Variants in MPZL3 observed in about 807,000 individuals in gnomAD.
MPZL3 encodes myelin protein zero like 3.
Under a neutral mutation model 24.8 loss-of-function variants are expected in MPZL3, and 23 were observed. The observed-to-expected ratio is 0.93, with a 90% confidence interval of 0.67 to 1.31. MPZL3 has a LOEUF of 1.31. Ranked by LOEUF, MPZL3 falls within the 40% of genes most tolerant of loss-of-function variation. The pLI, the probability that MPZL3 is intolerant of heterozygous loss-of-function variation, is 0.00. For missense variants in MPZL3, 277 were observed against 294.9 expected (o/e 0.94, Z 0.44); for synonymous variants, 99 against 106.5 (o/e 0.93, Z 0.44).
At chr11:118,241,914 G>A (rs936150455) in intron 1 of MPZL3, among the ~76,000 whole-genome samples, 1 of 152,130 alleles carries the variant, frequency 6.6e-6, no homozygotes, top group Non-Finnish European at 1.5e-5. Flanking sequence ...AACCTGTCCT[G>A]CCTTCTGTGC....
chr11:118,235,055 CA>C (rs1487113505), intron 4 of MPZL3, among the ~76,000 whole-genome samples: 1 of 152,132 alleles, frequency 6.6e-6, no homozygotes, highest in Non-Finnish European at 1.5e-5. Context: ...ATTGCTCAGG[CA>C]TTTTCTGTCA....
intron 5 of MPZL3, among the ~76,000 whole-genome samples, chr11:118,232,254 G>A (rs1321488334): frequency 1.3e-5 from 2 of 152,078 alleles, no homozygotes; most frequent in African/African-American, 4.8e-5. Context: ...CTTCTCTTAG[G>A]TGTTTGCTTG....
intron 1 of MPZL3, among the ~76,000 whole-genome samples, chr11:118,246,608 A>T (rs1441945021): frequency 8.2e-6 from 1 of 121,682 alleles, no homozygotes. Flanking sequence ...TTTTTGAGAC[A>T]GGGCATCACT....
chr11:118,247,858 G>A (rs901100173), intron 1 of MPZL3, among the ~76,000 whole-genome samples: 11 of 151,918 alleles, frequency 7.2e-5, no homozygotes, highest in Non-Finnish European at 1.0e-4. Context: ...TTCATCTCCA[G>A]GAAATCTTTC....
At chr11:118,230,955 C>G (rs1949343088) in intron 5 of MPZL3, among the ~76,000 whole-genome samples, 1 of 152,194 alleles carries the variant, frequency 6.6e-6, no homozygotes, top group Admixed American at 6.5e-5. Flanking sequence ...CATCTGCATA[C>G]AAATGTGTTC....
Position 118,240,234 on chromosome 11 carries a change from G to T in MPZL3, c.217C>A (p.Pro73Thr), listed in dbSNP as rs1388031129. Residue 73 changes from proline to threonine, a missense_variant, in exon 2 of 6, where the codon CCC becomes ACC. Physicochemically the swap from Pro to Thr is conservative, Grantham distance 38. Coordinates refer to ENST00000278949, the MANE Select transcript of MPZL3 (RefSeq NM_198275.3). ...ACTGATACTGTGTGGCTGCTGCTGGGAGGGCGATATGTCCAGTCTATAGTA... is the reference window on the plus strand; with the variant it reads ...ACTGATACTGTGTGGCTGCTGCTGGTAGGGCGATATGTCCAGTCTATAGTA... ...KLTIDWTYRP[P>T]SSSHTVSIFH... The T allele has an allele frequency of 1.3e-6, 2 of 1,569,242 alleles. No individual in the cohort carries two copies. Among genetic ancestry groups the T allele is most frequent in the South Asian group, 1.2e-5 (1 of 83,550 alleles).
At chr11:118,236,762 G>A (rs988654581) in intron 3 of MPZL3, among the ~76,000 whole-genome samples, 7 of 151,944 alleles carry the variant, frequency 4.6e-5, no homozygotes, top group Non-Finnish European at 7.4e-5. Context: ...TTTACTCAGG[G>A]GTTTTCCGTG....
chr11:118,246,585 C>CTTTTTTTTTTTTTTTT (rs71301655), intron 1 of MPZL3, among the ~76,000 whole-genome samples: 9 of 123,278 alleles, frequency 7.3e-5, no homozygotes, highest in Non-Finnish European at 1.1e-4. Flanking sequence ...TTTTTCTTTT[C>CTTTTTTTTTTTTTTTT]TTTTTTTTTT....
chr11:118,244,455 G>A (rs188936736), intron 1 of MPZL3, among the ~76,000 whole-genome samples: 6 of 152,272 alleles, frequency 3.9e-5, no homozygotes, highest in Admixed American at 3.9e-4. Context: ...AAGCTTCCCT[G>A]GAAGTTACTC....
At chr11:118,236,733 CAGA>C (rs1949430511) in intron 3 of MPZL3, among the ~76,000 whole-genome samples, 2 of 152,080 alleles carry the variant, frequency 1.3e-5, no homozygotes, top group African/African-American at 4.8e-5. Flanking sequence ...TTCTATTTCA[CAGA>C]GATAACAACC....
chr11:118,236,972 G>T, intron 3 of MPZL3, 78 bp downstream of exon 3: 1 of 1,310,254 alleles, frequency 7.6e-7, no homozygotes, highest in Non-Finnish European at 1.1e-6. Context: ...AGACAGCTTT[G>T]TTTATCATCG....
chr11:118,252,121 T>C (rs886695768), intron 1 of MPZL3, 101 bp downstream of exon 1: 2 of 1,167,376 alleles, frequency 1.7e-6, no homozygotes, highest in Non-Finnish European at 2.6e-6. Flanking sequence ...CCCAGAGCTA[T>C]GCGGGGGCTT....
At chr11:118,240,446 A>G (rs1949480245) in intron 1 of MPZL3, 69 bp from the exon 2 acceptor site, 1 of 1,480,000 alleles carries the variant, frequency 6.8e-7, no homozygotes, top group African/African-American at 1.5e-5. Context: ...TGAGTGAACA[A>G]TTATTTTTAG....
chr11:118,235,474 C>G lies in MPZL3; in HGVS notation c.567G>C (p.Lys189Asn), dbSNP rs759222922. 5.6e-6 allele frequency: 9 copies of G among 1,613,920 alleles called. No individual in the cohort carries two copies. Among genetic ancestry groups the G allele is most frequent in the Admixed American group, 5.0e-5 (3 of 59,982 alleles). Residue 189 changes from lysine (K) to asparagine (N), a missense_variant, in exon 4 of 6, where the codon AAG becomes AAC. Coordinates refer to ENST00000278949, the MANE Select transcript of MPZL3 (RefSeq NM_198275.3). Reference sequence around the variant, plus strand: ...TCTTATAGCCAGACCTGCTCCTCTTCTTCAGCCCAGCAGCCTTCCTCCCCA... The same window carrying G: ...TCTTATAGCCAGACCTGCTCCTCTTGTTCAGCCCAGCAGCCTTCCTCCCCA... ...VRMGRKAAGLKKRSRSGYKKS... is the reference protein window; with the variant it reads ...VRMGRKAAGLNKRSRSGYKKS...
At chr11:118,231,097 T>C (rs1949345127) in intron 5 of MPZL3, among the ~76,000 whole-genome samples, 1 of 152,220 alleles carries the variant, frequency 6.6e-6, no homozygotes, top group Admixed American at 6.5e-5. Context: ...TGCATCTTTC[T>C]GCAATCTTTC....
At chr11:118,235,007 C>T (rs777449059) in intron 4 of MPZL3, among the ~76,000 whole-genome samples, 1 of 152,108 alleles carries the variant, frequency 6.6e-6, no homozygotes, top group Non-Finnish European at 1.5e-5. Context: ...TTATTCAAAT[C>T]GCTTTTGCCC....
At chr11:118,239,707 C>T (rs969974718) in intron 2 of MPZL3, among the ~76,000 whole-genome samples, 2 of 152,158 alleles carry the variant, frequency 1.3e-5, no homozygotes, top group Non-Finnish European at 2.9e-5. Flanking sequence ...CCTTCAAAGG[C>T]AGCCATATAA....
chr11:118,240,706 T>C (rs1161009342), intron 1 of MPZL3, among the ~76,000 whole-genome samples: 1 of 145,526 alleles, frequency 6.9e-6, no homozygotes, highest in Non-Finnish European at 1.5e-5. Flanking sequence ...AAAGGCAACA[T>C]CACCCATCCC....
chr11:118,252,156 C>A (rs1949627967), intron 1 of MPZL3, 66 bp downstream of exon 1: 6 of 1,563,700 alleles, frequency 3.8e-6, no homozygotes, highest in African/African-American at 1.4e-5. Context: ...TACCCGGAAC[C>A]GGAAAAGCGA....
Sources: allele counts gnomAD v4.1 joint callset (sites outside exome capture counted in the v4.1 genomes callset), GRCh38; gene constraint gnomAD v4.1.1; transcripts MANE v1.5; gene names NCBI Gene and HGNC (gene_info 2026-07-23, HGNC 2026-07-21).